Variants in PCSK4 observed in about 807,000 individuals in gnomAD.
The protein encoded by PCSK4 is proprotein convertase subtilisin/kexin type 4, also known as testicular tissue protein Li 135.
Under a neutral mutation model 80.3 loss-of-function variants are expected in PCSK4, and 64 were observed. The ratio of observed to expected loss-of-function variants is 0.80; its 90% confidence interval spans 0.65 to 0.98. The LOEUF is 0.98. Ranked by LOEUF, PCSK4 falls within the 50% of genes least tolerant of loss-of-function variation. PCSK4 has a pLI of 0.00. For synonymous variants in PCSK4, 561 were observed against 487.6 expected (o/e 1.15, Z -1.98); for missense variants, 1,213 against 1,093.6 (o/e 1.11, Z -1.54).
Position 1,489,744 on chromosome 19 carries a change from G to T in PCSK4, c.294+49C>A, listed in dbSNP as rs773938463. Reference sequence around the variant, plus strand: ...CACAGAAGATGGCTGGTGGCCCCAGGAGGCAGCTGAGACCCCGGGCAGGGG... The same window carrying T: ...CACAGAAGATGGCTGGTGGCCCCAGTAGGCAGCTGAGACCCCGGGCAGGGG... On this transcript the variant is annotated intron_variant, in intron 2 of 14. Transcript: ENST00000300954. The T allele has an allele frequency of 2.6e-5, 40 of 1,565,434 alleles. No individual in the cohort carries two copies. The South Asian group carries it at 4.3e-4, about 17-fold the overall frequency.
Position 1,484,529 on chromosome 19 carries a change from T to C in PCSK4, c.1069-402A>G, listed in dbSNP as rs1388322560. Among the ~76,000 whole-genome samples the C allele has an allele frequency of 2.8e-5, 4 of 143,780 alleles. No individual in the cohort carries two copies. In the East Asian group the frequency reaches 8.5e-4, roughly 31 times the overall value. The allele number at this position is 143,780 out of a possible 152,430, so 94.3% of individuals were successfully genotyped here. A position where few individuals can be genotyped will look rare whatever the true frequency, so the allele number is the denominator to read the frequency against. ...AGTACTAACGACTGAATTCAAAAAG[T>C]ACCAAGGGCTGGGTGCGGTGGCTCA... On this transcript the variant is annotated intron_variant, in intron 8 of 14. Coordinates refer to ENST00000300954, the Ensembl canonical transcript of PCSK4.
chr19:1,490,065 G>A (rs2084862727), intron 1 of PCSK4, 93 bp downstream of exon 1: 1 of 1,539,116 alleles, frequency 6.5e-7, no homozygotes, highest in Admixed American at 2.0e-5. Flanking sequence ...TTGATATTTA[G>A]AAGACCTTGT....
At chr19:1,481,929 A>G in exon 15 of PCSK4, 1 of 1,595,444 alleles carries the variant, frequency 6.3e-7, no homozygotes. Context: ...TGGTGGGGAC[A>G]GGCGGCAGCT....
At chr19:1,482,807 G>T in intron 13 of PCSK4, 89 bp downstream of exon 13, 1 of 1,403,218 alleles carries the variant, frequency 7.1e-7, no homozygotes, top group Non-Finnish European at 9.9e-7. Context: ...AACCCCTTTT[G>T]CAGTGCGGTC....
chr19:1,488,478 G>A (rs542260899), intron 2 of PCSK4, among the ~76,000 whole-genome samples, 198 bp from the exon 3 acceptor site: 6 of 152,062 alleles, frequency 3.9e-5, no homozygotes, highest in Non-Finnish European at 7.4e-5. Flanking sequence ...GCCCACAGAC[G>A]CGTCGTTGCT....
At chr19:1,484,099 G>A in exon 9 of PCSK4, 6 of 1,566,346 alleles carry the variant, frequency 3.8e-6, no homozygotes, top group Non-Finnish European at 5.2e-6. Context: ...GTGCTGGTCT[G>A]TGCACCCGTG....
rs2084460109 is a variant in PCSK4 at position 1,483,926 on chromosome 19, CCACGT to C, written c.1180_1184del (p.Thr394GlufsTer136). 1 of 1,473,440 alleles carries C rather than the reference CCACGT, an allele frequency of 6.8e-7. No individual in the cohort carries two copies. Among genetic ancestry groups the C allele is most frequent in the East Asian group, 2.8e-5 (1 of 35,128 alleles). The allele number at this position is 1,473,440 out of a possible 1,614,324, so 91.3% of individuals were successfully genotyped here. A position where few individuals can be genotyped will look rare whatever the true frequency, so the allele number is the denominator to read the frequency against. On this transcript the variant is annotated frameshift_variant, in exon 10 of 15. Coordinates refer to ENST00000300954, the Ensembl canonical transcript of PCSK4. LOFTEE classifies it high-confidence loss of function. The stretch of plus-strand genomic sequence containing the variant: ...GGACCACCAGGTGCTGCATGTCTCT[CCACGT>C]CAGGAACGGGCTGCGGGGGGCGGGG...
rs1170768017 is a variant in PCSK4 at position 1,483,387 on chromosome 19, C to A, written c.1468G>T (p.Glu490Ter). ...AGCGTCAGCTGCGCCTGCACGTGCT[C>A]CAGCGAGCGGATGGAGTTGTGGAGG... The change falls in exon 12 of 15, where the codon GAG becomes TAG. Residue 490 changes from glutamate to a stop codon, truncating the protein, a stop_gained. Coordinates refer to ENST00000300954, the Ensembl canonical transcript of PCSK4. LOFTEE classifies it high-confidence loss of function. The A allele has an allele frequency of 1.2e-6, 2 of 1,606,190 alleles. No individual in the cohort carries two copies. Among genetic ancestry groups the A allele is most frequent in the Non-Finnish European group, 1.7e-6 (2 of 1,179,634 alleles).
At chr19:1,481,964 G>C in exon 15 of PCSK4, 1 of 1,595,572 alleles carries the variant, frequency 6.3e-7, no homozygotes, top group African/African-American at 1.3e-5. Context: ...GCTGTCGGGG[G>C]TGGTGGGTCC....
At chr19:1,490,371 G>T in exon 1 of PCSK4, 1 of 938,122 alleles carries the variant, frequency 1.1e-6, no homozygotes, top group Non-Finnish European at 1.5e-6. Flanking sequence ...AGCGGGGCCT[G>T]CGCAAATCCC....
At chr19:1,486,934 G>A (rs1373454495) in exon 8 of PCSK4, 1 of 1,606,022 alleles carries the variant, frequency 6.2e-7, no homozygotes, top group Admixed American at 1.7e-5. Flanking sequence ...AGGGCACGCG[G>A]CCCTGCTGGG....
chr19:1,483,240 C>T, intron 12 of PCSK4, 44 bp downstream of exon 12: 3 of 1,485,124 alleles, frequency 2.0e-6, no homozygotes, highest in Non-Finnish European at 1.8e-6. Flanking sequence ...CAGCGTTTAC[C>T]GACAGGGCAT....
chr19:1,487,856 G>A (rs989947845), exon 5 of PCSK4: 1 of 1,545,810 alleles, frequency 6.5e-7, no homozygotes, highest in Non-Finnish European at 8.8e-7. Flanking sequence ...AGCTGGCCAG[G>A]GGGTCCTGGG....
At position 1,487,624 on chromosome 19, in the gene PCSK4, C is replaced by T. The variant is rs186224387; in HGVS notation, c.661G>A (p.Ala221Thr). 20 of 1,552,760 alleles carry T rather than the reference C, an allele frequency of 1.3e-5. No homozygotes were observed. Among genetic ancestry groups the T allele is most frequent in the African/African-American group, 1.1e-4 (8 of 73,426 alleles). The change falls in exon 6 of 15, where the codon GCT becomes ACT. Residue 221 changes from alanine to threonine, a missense_variant. Ala to Thr is a moderately conservative substitution (Grantham distance 58). Transcript: ENST00000300954. Reference sequence around the variant, plus strand: ...GTACCTCCGATTCGGGCGTTGAAAGCGACCCCCACACCACAGAAGCCATTG... The same window carrying T: ...GTACCTCCGATTCGGGCGTTGAAAGTGACCCCCACACCACAGAAGCCATTG...
chr19:1,487,154 C>G (rs775454627), exon 7 of PCSK4: 1 of 1,605,730 alleles, frequency 6.2e-7, no homozygotes, highest in South Asian at 1.1e-5. Flanking sequence ...GGTCACACCA[C>G]GCCGGAAGGC....
exon 11 of PCSK4, chr19:1,483,665 A>G (rs767148362): frequency 1.9e-6 from 3 of 1,593,370 alleles, no homozygotes; most frequent in Non-Finnish European, 2.6e-6. Context: ...GCGGCTCTGG[A>G]CCCGGACGGC....
Position 1,487,782 on chromosome 19 carries a change from C to T in PCSK4, c.593+3G>A. 1 of 1,573,236 alleles carries T rather than the reference C, an allele frequency of 6.4e-7. No individual in the cohort carries two copies. The highest frequency in any genetic ancestry group is 8.6e-7 in the Non-Finnish European group (1 of 1,158,744). On this transcript the variant is annotated splice_donor_region_variant and intron_variant, in intron 5 of 14. Transcript: ENST00000300954. ...CCCCGTGTGCTGTGGGAGCCCTGCT[C>T]ACCGGTTCTCTTTGCTGGGGGTGTA...
exon 1 of PCSK4, chr19:1,490,175 A>C: frequency 6.2e-7 from 1 of 1,613,728 alleles, no homozygotes; most frequent in Non-Finnish European, 8.5e-7. Flanking sequence ...AGGTTGACGA[A>C]GCCGAATTTG....
chr19:1,490,335 G>GCAATCA (rs1568228490), exon 1 of PCSK4: 4 of 1,325,534 alleles, frequency 3.0e-6, no homozygotes, highest in Non-Finnish European at 4.1e-6. Context: ...GCGCAATCGG[G>GCAATCA]GCGGGCCGCA....
Sources: gnomAD v4.1 joint callset for allele counts (sites outside exome capture counted in the v4.1 genomes callset) on GRCh38, gnomAD v4.1.1 for gene constraint, MANE v1.5 for transcripts, NCBI Gene and HGNC (gene_info 2026-07-23, HGNC 2026-07-21) for gene names.